PHACTR2: variants seen among roughly 807,000 people sequenced by gnomAD.
PHACTR2 encodes phosphatase and actin regulator 2.
PHACTR2 carries 30 observed loss-of-function variants against 76.0 expected under a neutral mutation model. That is an observed-to-expected ratio of 0.39 (90% CI 0.30 to 0.54). The LOEUF is 0.54. PHACTR2 is among the 20% of genes least tolerant of loss of function. The pLI, the probability that PHACTR2 is intolerant of heterozygous loss-of-function variation, is 0.61. For missense variants in PHACTR2, 696 were observed against 781.1 expected, an observed-to-expected ratio of 0.89 and a Z score of 1.30; for synonymous variants, 292 against 292.5, an observed-to-expected ratio of 1.00 and a Z score of 0.02.
intron 1 of PHACTR2, among the ~76,000 whole-genome samples, chr6:143,622,842 T>C (rs1294657681): frequency 1.3e-5 from 2 of 152,198 alleles, no homozygotes; most frequent in Non-Finnish European, 2.9e-5. Context: ...GTAACAAGTG[T>C]ATTGAATTTG....
chr6:143,735,312 G>T (rs934672417), intron 2 of PHACTR2, among the ~76,000 whole-genome samples: 1 of 152,114 alleles, frequency 6.6e-6, no homozygotes, highest in Non-Finnish European at 1.5e-5. Context: ...TTGGAAAGAA[G>T]ACTAGATATT....
chr6:143,713,903 G>C (rs368486557), intron 2 of PHACTR2, among the ~76,000 whole-genome samples: 1 of 152,176 alleles, frequency 6.6e-6, no homozygotes, highest in Non-Finnish European at 1.5e-5. Flanking sequence ...GGCTCCAGAC[G>C]TAACGTACGA....
At position 143,818,527 on chromosome 6, in the gene PHACTR2, A is replaced by G. The variant is rs1356714012; in HGVS notation, c.1923-5147A>G. On this transcript the variant is annotated intron_variant, in intron 12 of 12. Coordinates refer to ENST00000440869, the MANE Select transcript of PHACTR2 (RefSeq NM_001100164.2). The surrounding 1 kb of genome is among the most constrained non-coding windows in gnomAD (Gnocchi z 4.9). The stretch of plus-strand genomic sequence containing the variant: ...TTAGGATTGTTATTATTATCTGTGT[A>G]TTAGTCCATTCTCATGCTGTTATAA... Among the ~76,000 whole-genome samples the G allele has an allele frequency of 1.3e-5, 2 of 152,236 alleles. No homozygotes were observed. The highest frequency in any genetic ancestry group is 2.9e-5 in the Non-Finnish European group (2 of 68,044).
At chr6:143,559,996 C>T (rs1211099792) in intron 1 of PHACTR2, among the ~76,000 whole-genome samples, 1 of 151,902 alleles carries the variant, frequency 6.6e-6, no homozygotes, top group Non-Finnish European at 1.5e-5. Context: ...CAGGTGTGAG[C>T]CACCGTGCCC....
upstream of PHACTR2, among the ~76,000 whole-genome samples, chr6:143,603,607 A>G (rs1775837350): frequency 1.3e-5 from 2 of 152,232 alleles, no homozygotes; most frequent in South Asian, 4.1e-4. Context: ...ATAGTAGAAC[A>G]TTGGATAAAT....
At chr6:143,785,390 T>C (rs182784023) in intron 10 of PHACTR2, among the ~76,000 whole-genome samples, 58 of 152,336 alleles carry the variant, frequency 3.8e-4, no homozygotes, top group African/African-American at 1.4e-3. Flanking sequence ...CCCATGGTCT[T>C]GGGCAGCTCC....
In PHACTR2 at chr6:143,823,917, A is replaced by G. The variant is rs1056680391; in HGVS notation, c.*228A>G. 2.5e-5 allele frequency: 11 copies of G among 444,612 alleles called. No homozygotes were observed. Among genetic ancestry groups the G allele is most frequent in the Admixed American group, 1.4e-4 (4 of 27,814 alleles). The allele number at this position is 444,612 out of a possible 1,614,324, so 27.5% of individuals were successfully genotyped here. On this transcript the variant is annotated 3_prime_UTR_variant, in exon 13 of 13. Transcript: ENST00000440869. This position sits in a 1 kb window ranked among gnomAD's most constrained non-coding sequence, Gnocchi z 5.7. ...GTGACTCTTGCTGCCCAGAATGCAC[A>G]GCGATGGTAAGAGACACCGTGGATA...
chr6:143,612,558 T>C (rs550004893), intron 1 of PHACTR2, among the ~76,000 whole-genome samples: 8 of 152,294 alleles, frequency 5.3e-5, no homozygotes, highest in Admixed American at 3.9e-4. Flanking sequence ...GGTCTTACTA[T>C]CTATAATTTT....
In PHACTR2 at chr6:143,630,930, A is replaced by G. The variant is rs556741700; in HGVS notation, c.13+22608A>G. Among the ~76,000 whole-genome samples, 15 of 152,340 alleles carry G rather than the reference A, an allele frequency of 9.8e-5. No individual in the cohort carries two copies. In the South Asian group the frequency reaches 3.1e-3, roughly 32 times the overall value. On this transcript the variant is annotated intron_variant, in intron 1 of 11. Coordinates refer to the PHACTR2 transcript ENST00000305766. ...TTCTTAATAACCAGTGCTTCATGCA[A>G]GTCATGTATTTAATGGCTGCTCGAA... is the stretch of plus-strand genomic sequence containing the variant.
chr6:143,771,176 A>ATATATATATG (rs1775111661), intron 6 of PHACTR2, among the ~76,000 whole-genome samples: 2 of 19,118 alleles, frequency 1.0e-4, no homozygotes, highest in African/African-American at 4.9e-4. Context: ...ATATATATGT[A>ATATATATATG]TATATATATA....
In PHACTR2 at chr6:143,619,241, C is replaced by G. The variant is rs1223202428; in HGVS notation, c.13+10919C>G. Among the ~76,000 whole-genome samples, 1 of 152,206 alleles carries G rather than the reference C, an allele frequency of 6.6e-6. No individual in the cohort carries two copies. Among genetic ancestry groups the G allele is most frequent in the Non-Finnish European group, 1.5e-5 (1 of 68,024 alleles). Reference sequence around the variant, plus strand: ...TGTCTACCTATCATTGATCAAGAGCCCTACCAGCCCCACTCCAGACCTAGT... The same window carrying G: ...TGTCTACCTATCATTGATCAAGAGCGCTACCAGCCCCACTCCAGACCTAGT... On this transcript the variant is annotated intron_variant, in intron 1 of 11. Coordinates refer to the PHACTR2 transcript ENST00000305766. This position sits in a 1 kb window ranked among gnomAD's most constrained non-coding sequence, Gnocchi z 4.5.
At chr6:143,702,858 A>T (rs979931320) in intron 1 of PHACTR2, among the ~76,000 whole-genome samples, 10 of 137,724 alleles carry the variant, frequency 7.3e-5, no homozygotes, top group Non-Finnish European at 1.4e-4. Context: ...CTAATTTATC[A>T]TGGCTTCAGG....
rs1775178523 is a variant in PHACTR2, at chr6:143,556,639, G to A, written c.217+19432G>A. Among the ~76,000 whole-genome samples the A allele has an allele frequency of 6.6e-6, 1 of 152,148 alleles. No homozygotes were observed. The highest frequency in any genetic ancestry group is 1.5e-5 in the Non-Finnish European group (1 of 68,030). On this transcript the variant is annotated intron_variant, in intron 1 of 11. Coordinates refer to the PHACTR2 transcript ENST00000367584. The surrounding 1 kb of genome is among the most constrained non-coding windows in gnomAD (Gnocchi z 4.3). ...AGCAGCAATTCAGCTTCCCAGCTTGGAGGACTCTAGGTTTGAAGCTTTCAG... is the reference window on the plus strand; with the variant it reads ...AGCAGCAATTCAGCTTCCCAGCTTGAAGGACTCTAGGTTTGAAGCTTTCAG...
chr6:143,768,437 A>G (rs1775004428), intron 6 of PHACTR2, among the ~76,000 whole-genome samples: 1 of 152,228 alleles, frequency 6.6e-6, no homozygotes, highest in Non-Finnish European at 1.5e-5. Context: ...GTTTAAGGTA[A>G]CATCTGAATT....
Position 143,583,006 on chromosome 6 carries a change from C to G in PHACTR2, c.217+45799C>G, listed in dbSNP as rs1306649769. Among the ~76,000 whole-genome samples, 2 of 152,206 alleles carry G rather than the reference C, an allele frequency of 1.3e-5. No homozygotes were observed. The highest frequency in any genetic ancestry group is 4.8e-5 in the African/African-American group (2 of 41,452). On this transcript the variant is annotated intron_variant, in intron 1 of 11. Coordinates refer to the PHACTR2 transcript ENST00000367584. The surrounding 1 kb of genome is among the most constrained non-coding windows in gnomAD (Gnocchi z 4.0). ...CAAACTCTGAAGCACTTAAAACATG[C>G]AATCACCATTCACATACTTTAATTA...
At chr6:143,645,813 T>C (rs1258278205) in intron 1 of PHACTR2, among the ~76,000 whole-genome samples, 1 of 152,160 alleles carries the variant, frequency 6.6e-6, no homozygotes, top group Admixed American at 6.6e-5. Flanking sequence ...TACACAAAAC[T>C]AAATTACAGC....
chr6:143,771,427 A>G (rs1404338762), intron 6 of PHACTR2, among the ~76,000 whole-genome samples: 1 of 148,400 alleles, frequency 6.7e-6, no homozygotes, highest in Non-Finnish European at 1.5e-5. Flanking sequence ...TATTTTATTT[A>G]TGTATTTATT....
chr6:143,702,455 A>G (rs1777936628), intron 1 of PHACTR2, among the ~76,000 whole-genome samples: 1 of 152,104 alleles, frequency 6.6e-6, no homozygotes, highest in African/African-American at 2.4e-5. Flanking sequence ...TAGAGCTACT[A>G]GGAGTGTTGC....
At position 143,731,248 on chromosome 6, in the gene PHACTR2, A is replaced by G. The variant is rs1778693873; in HGVS notation, c.215-17737A>G. Reference sequence around the variant, plus strand: ...TTGGCAGATTTTTGAATTTTGAACCAGTTTTTGCATCCTTAGGATAAGTCC... The same window carrying G: ...TTGGCAGATTTTTGAATTTTGAACCGGTTTTTGCATCCTTAGGATAAGTCC... On this transcript the variant is annotated intron_variant, in intron 2 of 12. Coordinates refer to ENST00000440869, the MANE Select transcript of PHACTR2 (RefSeq NM_001100164.2). The surrounding 1 kb of genome is among the most constrained non-coding windows in gnomAD (Gnocchi z 4.9). Among the ~76,000 whole-genome samples the G allele has an allele frequency of 6.6e-6, 1 of 152,026 alleles. No individual in the cohort carries two copies. Among genetic ancestry groups the G allele is most frequent in the Non-Finnish European group, 1.5e-5 (1 of 68,002 alleles).
Sources: gnomAD v4.1 joint callset for allele counts (sites outside exome capture counted in the v4.1 genomes callset) on GRCh38, gnomAD v4.1.1 for gene constraint, Gnocchi (gnomAD v3.1) non-coding constraint, MANE v1.5 for transcripts, NCBI Gene and HGNC (gene_info 2026-07-23, HGNC 2026-07-21) for gene names.